The following GPM6A variants were observed in gnomAD, a reference collection of about 807,000 sequenced individuals.
GPM6A encodes the protein neuronal membrane glycoprotein M6-a.
A neutral mutation model predicts 32.1 loss-of-function variants in GPM6A; 7 were observed. The observed-to-expected ratio is 0.22, with a 90% CI of 0.12 to 0.41. The LOEUF (loss-of-function observed/expected upper bound fraction) is 0.41. GPM6A is among the 10% of genes least tolerant of loss of function. The pLI is 1.00. For synonymous variants in GPM6A, 130 were observed against 123.4 expected (o/e 1.05, Z -0.35); for missense variants, 235 against 347.2 (o/e 0.68, Z 2.57).
intron 1 of GPM6A, among the ~76,000 whole-genome samples, chr4:175,794,149 GA>G (rs1264537396): frequency 4.6e-5 from 7 of 152,114 alleles, no homozygotes; most frequent in Non-Finnish European, 7.4e-5. Flanking sequence ...AGTGACCTTG[GA>G]AAAATTATCA....
chr4:175,711,060 G>C (rs1468408708), intron 1 of GPM6A, among the ~76,000 whole-genome samples: 1 of 151,986 alleles, frequency 6.6e-6, no homozygotes, highest in Admixed American at 6.6e-5. Context: ...GGCTTCTGAG[G>C]GTTCTGCATA....
chr4:175,976,670 G>T (rs1281195337), intron 1 of GPM6A, among the ~76,000 whole-genome samples: 1 of 152,158 alleles, frequency 6.6e-6, no homozygotes, highest in Non-Finnish European at 1.5e-5. Flanking sequence ...TGGGTACACA[G>T]ATGAACGGTC....
intron 1 of GPM6A, among the ~76,000 whole-genome samples, chr4:175,875,441 T>C (rs866979553): frequency 6.6e-6 from 1 of 152,210 alleles, no homozygotes; most frequent in Non-Finnish European, 1.5e-5. Context: ...ATAGTGATCA[T>C]GGGATAATTA....
intron 1 of GPM6A, among the ~76,000 whole-genome samples, chr4:175,906,050 G>A (rs761468159): frequency 1.3e-5 from 2 of 152,104 alleles, no homozygotes; most frequent in Non-Finnish European, 2.9e-5. Context: ...GTTTCAATAA[G>A]AGTGAACATT....
At chr4:175,758,186 GA>G (rs1324976133) in intron 1 of GPM6A, among the ~76,000 whole-genome samples, 1 of 152,096 alleles carries the variant, frequency 6.6e-6, no homozygotes, top group Non-Finnish European at 1.5e-5. Flanking sequence ...GTTACTGTAA[GA>G]ATTAACATTT....
chr4:175,643,724 G>A (rs997123465), intron 4 of GPM6A, among the ~76,000 whole-genome samples: 12 of 152,102 alleles, frequency 7.9e-5, no homozygotes, highest in Non-Finnish European at 1.3e-4. Context: ...GTCACAGCTG[G>A]CTCCTAATAA....
chr4:175,760,561 T>C (rs143165443), intron 1 of GPM6A, among the ~76,000 whole-genome samples: 1,710 of 152,328 alleles, frequency 0.011, 14 homozygotes, highest in African/African-American at 0.021. Context: ...AGGTTTAAGA[T>C]ATATTCAAAT....
At chr4:175,756,533 T>C (rs934828494) in intron 1 of GPM6A, among the ~76,000 whole-genome samples, 1 of 152,108 alleles carries the variant, frequency 6.6e-6, no homozygotes, top group African/African-American at 2.4e-5. Flanking sequence ...GACTAAGGTA[T>C]GGTGGAACCA....
chr4:175,825,344 A>T (rs13107194), intron 1 of GPM6A, among the ~76,000 whole-genome samples: 147,858 of 152,218 alleles, frequency 0.97, 71,978 homozygotes, highest in East Asian at 1. Flanking sequence ...AAAGAAATCC[A>T]GCCCAAGGCT....
chr4:175,729,795 A>G (rs1212501012), intron 1 of GPM6A, among the ~76,000 whole-genome samples: 5 of 80,510 alleles, frequency 6.2e-5, no homozygotes, highest in Admixed American at 5.1e-4. Context: ...TATATTATCT[A>G]TTATATTATA....
chr4:175,764,829 G>A (rs1732893892), intron 1 of GPM6A, among the ~76,000 whole-genome samples: 1 of 148,806 alleles, frequency 6.7e-6, no homozygotes, highest in Non-Finnish European at 1.5e-5. Context: ...CTCCATTCTA[G>A]TGACTCAACC....
chr4:175,975,091 T>C (rs1740620665), intron 1 of GPM6A, among the ~76,000 whole-genome samples: 1 of 152,362 alleles, frequency 6.6e-6, no homozygotes, highest in South Asian at 2.1e-4. Context: ...AGCTAGTGCC[T>C]GCCTGCATTC....
chr4:175,756,908 A>G (rs568683305), intron 1 of GPM6A, among the ~76,000 whole-genome samples: 1 of 152,240 alleles, frequency 6.6e-6, no homozygotes, highest in South Asian at 2.1e-4. Flanking sequence ...TAAAGAGAAT[A>G]TTAGTTATCT....
intron 1 of GPM6A, among the ~76,000 whole-genome samples, chr4:175,974,205 G>A (rs1740591380): frequency 6.6e-6 from 1 of 151,966 alleles, no homozygotes; most frequent in Non-Finnish European, 1.5e-5. Context: ...ACTCCAGCCT[G>A]GGAGACAGAG....
rs983965382 is a variant in GPM6A, at chr4:175,908,557, A to G, written c.-23+93752T>C. Among the ~76,000 whole-genome samples the G allele has an allele frequency of 2.0e-5, 3 of 152,278 alleles. No individual in the cohort carries two copies. In the East Asian group the frequency reaches 5.8e-4, roughly 29 times the overall value. On this transcript the variant is annotated intron_variant, in intron 1 of 7. Coordinates refer to the GPM6A transcript ENST00000280187. ...AAAAAAAGACAGTTTAAAAGAAAAG[A>G]TACCTGATCTAGGGATAAACTTTGA...
intron 1 of GPM6A, among the ~76,000 whole-genome samples, chr4:175,726,200 C>T (rs905530209): frequency 2.6e-5 from 4 of 151,652 alleles, no homozygotes; most frequent in Non-Finnish European, 4.4e-5. Context: ...GGGGTTTCAC[C>T]GTGTTGGCCA....
chr4:175,717,618 G>A (rs943544565), intron 1 of GPM6A, among the ~76,000 whole-genome samples: 1 of 152,124 alleles, frequency 6.6e-6, no homozygotes, highest in Admixed American at 6.6e-5. Flanking sequence ...ACTTAAGATT[G>A]ATTCTTCTTA....
chr4:175,687,963 T>G (rs1744081445), intron 2 of GPM6A, among the ~76,000 whole-genome samples: 2 of 152,226 alleles, frequency 1.3e-5, no homozygotes, highest in Admixed American at 1.3e-4. Context: ...TTCATATACC[T>G]GTTGGCCAAT....
At chr4:175,905,503 C>A (rs1738101689) in intron 1 of GPM6A, among the ~76,000 whole-genome samples, 1 of 152,140 alleles carries the variant, frequency 6.6e-6, no homozygotes, top group Middle Eastern at 3.4e-3. Context: ...CCCTGGAGAT[C>A]ATCTCTGGTG....
Sources: allele counts gnomAD v4.1 joint callset (sites outside exome capture counted in the v4.1 genomes callset), GRCh38; gene constraint gnomAD v4.1.1; transcripts MANE v1.5; gene names NCBI Gene and HGNC (gene_info 2026-07-23, HGNC 2026-07-21).